DIS3L2: variants seen among roughly 807,000 people sequenced by gnomAD.
DIS3L2 encodes DIS3 like 3'-5' exoribonuclease 2.
DIS3L2 carries 34 observed loss-of-function variants against 97.5 expected under a neutral mutation model. The observed-to-expected ratio is 0.35, with a 90% CI of 0.27 to 0.46. DIS3L2 has a LOEUF of 0.46. Among genes scored for constraint, DIS3L2 ranks in the 20% least tolerant of loss-of-function variants. The pLI, the probability that DIS3L2 is intolerant of heterozygous loss-of-function variation, is 1.00. For missense variants in DIS3L2, 1,038 were observed against 1,146.0 expected (o/e 0.91, Z 1.36); for synonymous variants, 435 against 445.2 (o/e 0.98, Z 0.29).
In DIS3L2 at chr2:232,333,759, GA is replaced by G; in HGVS notation, c.2011-80del. 5.7e-6 allele frequency: 8 copies of G among 1,413,178 alleles called. No individual in the cohort carries two copies. The Admixed American group carries it at 7.7e-5, about 14-fold the overall frequency. The allele number at this position is 1,413,178 out of a possible 1,614,324, so 87.5% of individuals were successfully genotyped here. On this transcript the variant is annotated intron_variant, in intron 16 of 20. Transcript: ENST00000325385. ...CTGTCCACACATCGCTGCCGACGGT[GA>G]GGCTGTGGGTGGTGCCAGCCTTCCA...
At chr2:232,125,105 T>C (rs1698019531) in intron 6 of DIS3L2, among the ~76,000 whole-genome samples, 1 of 152,224 alleles carries the variant, frequency 6.6e-6, no homozygotes, top group Non-Finnish European at 1.5e-5. Flanking sequence ...CTTTCTAAAA[T>C]GCTCCCTCGT....
chr2:232,092,241 G>T (rs926291939), intron 6 of DIS3L2, among the ~76,000 whole-genome samples: 1 of 152,008 alleles, frequency 6.6e-6, no homozygotes, highest in Non-Finnish European at 1.5e-5. Flanking sequence ...ATGTATTCTG[G>T]GTTCTCTACT....
At chr2:232,048,398 A>T (rs1052930348) in intron 5 of DIS3L2, among the ~76,000 whole-genome samples, 1 of 152,088 alleles carries the variant, frequency 6.6e-6, no homozygotes, top group African/African-American at 2.4e-5. Flanking sequence ...CTTCTGGAGC[A>T]TCAAAAGTTC....
chr2:231,992,735 C>T (rs1429512496), intron 1 of DIS3L2, among the ~76,000 whole-genome samples: 3 of 152,264 alleles, frequency 2.0e-5, no homozygotes, highest in South Asian at 2.1e-4. Flanking sequence ...CTTCATTGCC[C>T]TCTGTCTTCT....
chr2:232,163,937 T>C (rs1434470161), intron 9 of DIS3L2, among the ~76,000 whole-genome samples: 12 of 152,254 alleles, frequency 7.9e-5, no homozygotes, highest in Admixed American at 7.9e-4. Context: ...TAAAGTTGCA[T>C]TGGAACATGG....
chr2:232,008,253 C>T (rs1401647752), intron 1 of DIS3L2, among the ~76,000 whole-genome samples: 3 of 150,532 alleles, frequency 2.0e-5, no homozygotes, highest in Non-Finnish European at 4.4e-5. Context: ...TTCTCAAACT[C>T]CTGGGTTCAA....
rs546158094 is a variant in DIS3L2 at position 232,241,337 on chromosome 2, G to A, written c.1317+2692G>A. Among the ~76,000 whole-genome samples the A allele has an allele frequency of 1.0e-3, 157 of 152,346 alleles. 3 individuals are homozygous for A. The highest frequency in any genetic ancestry group is 3.4e-3 in the Middle Eastern group (1 of 294). ...AGCTTCATCACACAGGGGAAGGGGG[G>A]CTGGGGTTCCAGTTCATTTCCCATC... is the stretch of plus-strand genomic sequence containing the variant. On this transcript the variant is annotated intron_variant, in intron 11 of 20. Transcript: ENST00000325385.
chr2:232,263,150 A>G (rs1480708048), intron 12 of DIS3L2, 57 bp from the exon 13 acceptor site: 1 of 1,567,632 alleles, frequency 6.4e-7, no homozygotes, highest in African/African-American at 1.4e-5. Context: ...CTGAAGGAAG[A>G]AAAACCTGAA....
At chr2:232,086,256 GACGTGTAT>G (rs1242329268) in intron 5 of DIS3L2, among the ~76,000 whole-genome samples, 3 of 146,034 alleles carry the variant, frequency 2.1e-5, no homozygotes, top group African/African-American at 7.9e-5. Context: ...CACACGTATA[GACGTGTAT>G]ACGTGTATAT....
intron 5 of DIS3L2, among the ~76,000 whole-genome samples, chr2:232,030,615 T>C (rs928887041): frequency 2.0e-5 from 3 of 152,202 alleles, no homozygotes; most frequent in African/African-American, 7.2e-5. Context: ...GAGAGTATTT[T>C]GGGTTTCGGT....
At chr2:232,081,711 C>G (rs1696406227) in intron 5 of DIS3L2, among the ~76,000 whole-genome samples, 1 of 152,182 alleles carries the variant, frequency 6.6e-6, no homozygotes, top group South Asian at 2.1e-4. Flanking sequence ...CCCAGTATGA[C>G]AGGAGGTTCC....
intron 9 of DIS3L2, among the ~76,000 whole-genome samples, chr2:232,176,769 TTTAATTAA>T (rs1222931114): frequency 2.7e-5 from 4 of 149,358 alleles, no homozygotes; most frequent in African/African-American, 4.9e-5. Context: ...TTTTTAATTT[TTTAATTAA>T]TTAATTAATT....
At chr2:232,082,055 G>A (rs181806690) in intron 5 of DIS3L2, among the ~76,000 whole-genome samples, 1 of 152,316 alleles carries the variant, frequency 6.6e-6, no homozygotes, top group Admixed American at 6.5e-5. Context: ...CTCCCAAAGT[G>A]CTGGGATTGC....
chr2:232,245,929 T>G (rs1693235034), intron 11 of DIS3L2, among the ~76,000 whole-genome samples: 1 of 152,246 alleles, frequency 6.6e-6, no homozygotes, highest in African/African-American at 2.4e-5. Context: ...ATAAAATGTT[T>G]TATGTGATGC....
At chr2:231,976,011 CCT>C (rs1361769032) in intron 1 of DIS3L2, among the ~76,000 whole-genome samples, 1 of 151,998 alleles carries the variant, frequency 6.6e-6, no homozygotes, top group Non-Finnish European at 1.5e-5. Context: ...CACACACACC[CCT>C]GTTTAAGAAG....
At position 232,336,750 on chromosome 2, in the gene DIS3L2, T is replaced by C; in HGVS notation, c.*120T>C. On this transcript the variant is annotated 3_prime_UTR_variant, in exon 21 of 21. Coordinates refer to ENST00000325385, the MANE Select transcript of DIS3L2 (RefSeq NM_152383.5). The stretch of plus-strand genomic sequence containing the variant: ...TTTTAACAACTCAGGGGTTTGTTTT[T>C]ATTTTTATTTAATTTTTGCAGCTCA... The C allele has an allele frequency of 6.7e-7, 1 of 1,486,564 alleles. No individual in the cohort carries two copies. The highest frequency in any genetic ancestry group is 8.9e-7 in the Non-Finnish European group (1 of 1,129,226). The allele number at this position is 1,486,564 out of a possible 1,614,324, so 92.1% of individuals were successfully genotyped here.
At chr2:231,966,136 G>A (rs1692703879) in intron 1 of DIS3L2, among the ~76,000 whole-genome samples, 1 of 151,866 alleles carries the variant, frequency 6.6e-6, no homozygotes, top group Admixed American at 6.6e-5. Flanking sequence ...CTGATGTCAG[G>A]GAGTGGAGAC....
intron 9 of DIS3L2, among the ~76,000 whole-genome samples, chr2:232,168,549 T>C (rs751767759): frequency 5.3e-5 from 8 of 152,162 alleles, no homozygotes; most frequent in Non-Finnish European, 1.0e-4. Context: ...CTAGACAATA[T>C]CCATAAATCC....
intron 1 of DIS3L2, among the ~76,000 whole-genome samples, chr2:232,004,200 G>A (rs972518197): frequency 1.3e-5 from 2 of 152,002 alleles, no homozygotes; most frequent in Non-Finnish European, 2.9e-5. Flanking sequence ...ACCCTCCCAA[G>A]TAGCTGAGAT....
Sources: allele counts gnomAD v4.1 joint callset (sites outside exome capture counted in the v4.1 genomes callset), GRCh38; gene constraint gnomAD v4.1.1; transcripts MANE v1.5; gene names NCBI Gene and HGNC (gene_info 2026-07-23, HGNC 2026-07-21).